Variants in RIMS1 observed in about 807,000 individuals in gnomAD.
The protein encoded by RIMS1 is regulating synaptic membrane exocytosis protein 1.
In RIMS1, 83 loss-of-function variants were observed where a neutral mutation model predicts 214.1. That is an observed-to-expected ratio of 0.39 (90% CI 0.32 to 0.47). The LOEUF (loss-of-function observed/expected upper bound fraction) is 0.47. RIMS1 is among the 20% of genes least tolerant of loss of function. The probability of loss-of-function intolerance (pLI) is 0.99; values close to 1 mark genes in which losing one functional copy is unlikely to be tolerated. For synonymous variants in RIMS1, 793 were observed against 786.8 expected (o/e 1.01, Z -0.13); for missense variants, 2,050 against 2,161.8 (o/e 0.95, Z 1.03).
intron 8 of RIMS1, among the ~76,000 whole-genome samples, chr6:72,236,817 A>C (rs1468909066): frequency 6.7e-6 from 1 of 150,124 alleles, no homozygotes; most frequent in East Asian, 2.0e-4. Context: ...GTTTTAAGGA[A>C]GTTAACAAAT....
intron 24 of RIMS1, among the ~76,000 whole-genome samples, chr6:72,288,608 C>G (rs569801919): frequency 1.3e-5 from 2 of 152,318 alleles, no homozygotes; most frequent in Admixed American, 1.3e-4. Context: ...CTCTGTACCT[C>G]AGAATTTCTT....
intron 1 of RIMS1, among the ~76,000 whole-genome samples, chr6:71,921,906 C>T (rs1353303485): frequency 1.3e-5 from 2 of 152,158 alleles, no homozygotes; most frequent in Non-Finnish European, 2.9e-5. Flanking sequence ...CAGCACTTAT[C>T]TCAAGTGATT....
In RIMS1 at chr6:71,886,905, T is replaced by G; in HGVS notation, c.-119T>G. ...CTGCTGCCGCCGCCGCCGCTGCTCCTCCTCCTGCCGCCGCCGCTAGGGCTC... is the reference window on the plus strand; with the variant it reads ...CTGCTGCCGCCGCCGCCGCTGCTCCGCCTCCTGCCGCCGCCGCTAGGGCTC... On this transcript the variant is annotated 5_prime_UTR_variant, in exon 1 of 34. Transcript: ENST00000521978. 1 of 1,201,758 alleles carries G rather than the reference T, an allele frequency of 8.3e-7. No individual in the cohort carries two copies. Among genetic ancestry groups the G allele is most frequent in the Non-Finnish European group, 1.2e-6 (1 of 853,702 alleles). 74.4% of individuals were successfully genotyped at this position (1,201,758 alleles called of 1,614,324 possible). A position where few individuals can be genotyped will look rare whatever the true frequency, so the allele number is the denominator to read the frequency against.
At chr6:72,269,644 C>T (rs1463611219) in intron 22 of RIMS1, among the ~76,000 whole-genome samples, 2 of 152,176 alleles carry the variant, frequency 1.3e-5, no homozygotes, top group Admixed American at 6.5e-5. Context: ...AACTACTTCT[C>T]TTCCTGCTCC....
intron 2 of RIMS1, among the ~76,000 whole-genome samples, chr6:72,068,019 T>C (rs1829724750): frequency 6.6e-6 from 1 of 152,302 alleles, no homozygotes; most frequent in East Asian, 1.9e-4. Context: ...TCAGGAATCA[T>C]ACAATAGAAG....
At chr6:72,283,928 C>G in intron 23 of RIMS1, 119 bp from the exon 24 acceptor site, 1 of 711,560 alleles carries the variant, frequency 1.4e-6, no homozygotes, top group Non-Finnish European at 2.4e-6. Flanking sequence ...AAAGTACTGA[C>G]TGACAAAATC....
intron 2 of RIMS1, among the ~76,000 whole-genome samples, chr6:72,038,238 G>T (rs1390399875): frequency 7.0e-6 from 1 of 142,680 alleles, no homozygotes; most frequent in Non-Finnish European, 1.5e-5. Flanking sequence ...ACAGAGATAT[G>T]AAAAACCCAG....
chr6:72,282,291 A>G (rs193233119), intron 23 of RIMS1, among the ~76,000 whole-genome samples: 5 of 152,120 alleles, frequency 3.3e-5, no homozygotes, highest in African/African-American at 1.2e-4. Context: ...TCTTCCCACT[A>G]TGCTTATGCC....
At chr6:72,084,448 G>A (rs539676258) in intron 2 of RIMS1, among the ~76,000 whole-genome samples, 5 of 152,078 alleles carry the variant, frequency 3.3e-5, no homozygotes, top group Admixed American at 1.3e-4. Flanking sequence ...TTTCTTGAAC[G>A]AGGTTTTCAG....
chr6:71,918,249 A>G (rs1469654899), intron 1 of RIMS1, among the ~76,000 whole-genome samples: 1 of 152,108 alleles, frequency 6.6e-6, no homozygotes, highest in Non-Finnish European at 1.5e-5. Context: ...CCAGTAGAGG[A>G]GATAGAGAGA....
At chr6:72,019,882 C>T (rs758798016) in intron 2 of RIMS1, among the ~76,000 whole-genome samples, 1 of 152,078 alleles carries the variant, frequency 6.6e-6, no homozygotes, top group Non-Finnish European at 1.5e-5. Context: ...ATAGTTGGTC[C>T]TAATGTGGTA....
intron 4 of RIMS1, among the ~76,000 whole-genome samples, chr6:72,127,891 C>A (rs1320014280): frequency 6.6e-6 from 1 of 152,068 alleles, no homozygotes; most frequent in Non-Finnish European, 1.5e-5. Context: ...AGGTACAACC[C>A]ACTCCATACA....
chr6:72,293,656 G>A (rs2093719136), intron 26 of RIMS1, among the ~76,000 whole-genome samples: 2 of 151,706 alleles, frequency 1.3e-5, no homozygotes, highest in Admixed American at 1.3e-4. Flanking sequence ...GCATATAAGG[G>A]TACTGCATAT....
Position 72,352,478 on chromosome 6 carries a change from A to T in RIMS1, c.4366+18643A>T, listed in dbSNP as rs900291523. On this transcript the variant is annotated intron_variant, in intron 29 of 33. Coordinates refer to ENST00000521978, the MANE Select transcript of RIMS1 (RefSeq NM_014989.7). The stretch of plus-strand genomic sequence containing the variant: ...TTCTTAGCCATCATACTATTATATC[A>T]TCCTCAAGTAATTTGATATATTAGC... Among the ~76,000 whole-genome samples, 18 of 152,328 alleles carry T rather than the reference A, an allele frequency of 1.2e-4. 1 individual carries two copies. The South Asian group carries it at 1.9e-3, about 16-fold the overall frequency.
chr6:72,041,581 T>A (rs924910585), intron 2 of RIMS1, among the ~76,000 whole-genome samples: 4 of 151,954 alleles, frequency 2.6e-5, no homozygotes, highest in Admixed American at 2.6e-4. Context: ...TAAATTATAC[T>A]GCTGCTATTA....
At chr6:72,030,971 G>A (rs960012113) in intron 2 of RIMS1, among the ~76,000 whole-genome samples, 1 of 152,098 alleles carries the variant, frequency 6.6e-6, no homozygotes, top group African/African-American at 2.4e-5. Context: ...TCTATTATTT[G>A]TCTACCATCC....
Position 72,259,065 on chromosome 6 carries a change from C to A in RIMS1, c.3007C>A (p.His1003Asn), listed in dbSNP as rs1331686300. 6.2e-7 allele frequency: 1 copy of A among 1,612,444 alleles called. No homozygotes were observed. The change falls in exon 18 of 34, where the codon CAT becomes AAT. Residue 1003 changes from histidine to asparagine, a missense_variant. By Grantham distance (68) the His-to-Asn change is moderately conservative (BLOSUM62 1). Transcript: ENST00000521978. ...HHDASRSPVD[H>N]RTRDVDSQYL... ...TGATGCCTCCCGAAGTCCAGTTGATCATAGAACCAGAGATGTGGATAGTCA... is the reference window on the plus strand; with the variant it reads ...TGATGCCTCCCGAAGTCCAGTTGATAATAGAACCAGAGATGTGGATAGTCA...
intron 29 of RIMS1, among the ~76,000 whole-genome samples, chr6:72,364,864 G>T (rs2097937979): frequency 6.6e-6 from 1 of 152,140 alleles, no homozygotes; most frequent in Non-Finnish European, 1.5e-5. Context: ...CTTGGCTATG[G>T]GACTGCTTGC....
At chr6:72,234,573 A>T (rs2063307267) in intron 7 of RIMS1, among the ~76,000 whole-genome samples, 1 of 151,920 alleles carries the variant, frequency 6.6e-6, no homozygotes, top group African/African-American at 2.4e-5. Context: ...ATTATTATTG[A>T]CTAAAGTCCA....
Sources: gnomAD v4.1 joint callset for allele counts (sites outside exome capture counted in the v4.1 genomes callset) on GRCh38, gnomAD v4.1.1 for gene constraint, MANE v1.5 for transcripts, NCBI Gene and HGNC (gene_info 2026-07-23, HGNC 2026-07-21) for gene names.